The following DAB1 variants were observed in gnomAD, a reference collection of about 807,000 sequenced individuals.
The protein encoded by DAB1 is DAB adaptor protein 1.
In DAB1, 15 loss-of-function variants were observed where a neutral mutation model predicts 64.6. That is an observed-to-expected ratio of 0.23 (90% CI 0.16 to 0.36). The LOEUF (loss-of-function observed/expected upper bound fraction) is 0.36, where lower values mean the gene tolerates loss of function less well. DAB1 is among the 10% of genes least tolerant of loss of function. DAB1 has a pLI of 1.00. For missense variants in DAB1, 596 were observed against 706.7 expected, an observed-to-expected ratio of 0.84 and a Z score of 1.78; for synonymous variants, 235 against 251.9, an observed-to-expected ratio of 0.93 and a Z score of 0.64.
chr1:57,689,042 C>A (rs72679233), intron 6 of DAB1, among the ~76,000 whole-genome samples: 1,730 of 152,244 alleles, frequency 0.011, 18 homozygotes, highest in Non-Finnish European at 0.016. Context: ...CACACCTGCA[C>A]ATGTACCCAT....
At chr1:58,347,048 G>A (rs77867558) in intron 3 of DAB1, among the ~76,000 whole-genome samples, 2,330 of 152,086 alleles carry the variant, frequency 0.015, 50 homozygotes, top group African/African-American at 0.053. Flanking sequence ...TGATAGAAAA[G>A]GTACTTTATA....
chr1:58,068,528 G>C (rs932266231), intron 5 of DAB1, among the ~76,000 whole-genome samples: 46 of 152,118 alleles, frequency 3.0e-4, no homozygotes, highest in African/African-American at 1.1e-3. Context: ...CACTTTGGGG[G>C]GCAGAGGCGG....
At chr1:57,095,152 C>T (rs755299813) in intron 4 of DAB1, among the ~76,000 whole-genome samples, 9 of 152,106 alleles carry the variant, frequency 5.9e-5, no homozygotes, top group African/African-American at 9.7e-5. Context: ...TTGAGTTTAC[C>T]GTAGCACAGC....
chr1:57,967,269 A>G (rs1645690399), intron 5 of DAB1, among the ~76,000 whole-genome samples: 1 of 152,100 alleles, frequency 6.6e-6, no homozygotes, highest in Non-Finnish European at 1.5e-5. Flanking sequence ...GCCTTTCCTT[A>G]TGGGTAGTTA....
chr1:58,060,892 C>T (rs1024127238), intron 5 of DAB1, among the ~76,000 whole-genome samples: 10 of 152,218 alleles, frequency 6.6e-5, no homozygotes, highest in Admixed American at 2.0e-4. Flanking sequence ...CAGGGGAATG[C>T]CACATCTAAC....
intron 5 of DAB1, among the ~76,000 whole-genome samples, chr1:57,988,760 T>A (rs962645221): frequency 6.6e-6 from 1 of 152,204 alleles, no homozygotes; most frequent in Non-Finnish European, 1.5e-5. Context: ...CCAGTATTCC[T>A]TAGCCTTCCA....
At chr1:58,519,043 C>T (rs1646218697) in intron 2 of DAB1, among the ~76,000 whole-genome samples, 1 of 152,182 alleles carries the variant, frequency 6.6e-6, no homozygotes, top group Non-Finnish European at 1.5e-5. Context: ...ACACTTATTG[C>T]TCGCTTCTTT....
intron 5 of DAB1, among the ~76,000 whole-genome samples, chr1:58,035,996 T>C (rs984215835): frequency 6.6e-6 from 1 of 152,106 alleles, no homozygotes; most frequent in African/African-American, 2.4e-5. Context: ...AGGAGCTTGA[T>C]TTAATTGGTT....
At chr1:58,189,065 C>A (rs1037109048) in intron 4 of DAB1, among the ~76,000 whole-genome samples, 2 of 152,036 alleles carry the variant, frequency 1.3e-5, no homozygotes, top group African/African-American at 4.8e-5. Context: ...GCCTTTGCAC[C>A]CCCCACCCAG....
At chr1:58,012,560 T>C (rs1333310577) in intron 5 of DAB1, among the ~76,000 whole-genome samples, 1 of 152,066 alleles carries the variant, frequency 6.6e-6, no homozygotes, top group Admixed American at 6.6e-5. Context: ...CCAATGACAG[T>C]ATTAGGAAGT....
intron 1 of DAB1, among the ~76,000 whole-genome samples, chr1:57,327,753 T>C (rs1403283860): frequency 2.0e-5 from 3 of 152,148 alleles, no homozygotes; most frequent in Non-Finnish European, 4.4e-5. Context: ...ATGGGCTGGG[T>C]AGCTCAACGG....
intron 7 of DAB1, among the ~76,000 whole-genome samples, chr1:57,628,142 C>G (rs756658476): frequency 6.6e-6 from 1 of 152,172 alleles, no homozygotes; most frequent in African/African-American, 2.4e-5. Flanking sequence ...TGACCTTGAG[C>G]AAGTCACAGT....
chr1:58,144,690 T>C (rs1432326916), intron 5 of DAB1, among the ~76,000 whole-genome samples: 1 of 152,198 alleles, frequency 6.6e-6, no homozygotes, highest in South Asian at 2.1e-4. Flanking sequence ...AGAAGCATTT[T>C]ATAGGAAAGA....
chr1:57,107,610 G>A (rs1005916301), intron 4 of DAB1, among the ~76,000 whole-genome samples: 4 of 152,002 alleles, frequency 2.6e-5, no homozygotes, highest in African/African-American at 9.7e-5. Flanking sequence ...GTCCAGACCA[G>A]AACTGAGGAC....
chr1:57,855,344 G>C (rs964395653), intron 1 of DAB1, among the ~76,000 whole-genome samples: 1 of 152,126 alleles, frequency 6.6e-6, no homozygotes, highest in African/African-American at 2.4e-5. Context: ...TCCCCCTGAG[G>C]ACATAGAAGT....
intron 7 of DAB1, among the ~76,000 whole-genome samples, chr1:57,584,011 G>A (rs996256494): frequency 1.3e-5 from 2 of 152,136 alleles, no homozygotes; most frequent in Admixed American, 1.3e-4. Flanking sequence ...GAGTCCTTGT[G>A]GACGAACTGC....
At chr1:57,214,613 T>C (rs550819230) in intron 2 of DAB1, among the ~76,000 whole-genome samples, 4 of 152,058 alleles carry the variant, frequency 2.6e-5, no homozygotes, top group African/African-American at 9.6e-5. Context: ...CTGTTTCACC[T>C]TAGAAAAACA....
intron 4 of DAB1, among the ~76,000 whole-genome samples, chr1:58,223,528 C>A (rs540439487): frequency 6.6e-6 from 1 of 152,324 alleles, no homozygotes; most frequent in African/African-American, 2.4e-5. Context: ...TTGCACAAGG[C>A]TGATTTTCAA....
intron 5 of DAB1, among the ~76,000 whole-genome samples, chr1:57,998,464 A>G (rs1220550631): frequency 6.7e-6 from 1 of 148,410 alleles, no homozygotes; most frequent in African/African-American, 2.5e-5. Context: ...CCTGGGTTCA[A>G]GTGATTCTCC....
Sources: allele counts gnomAD v4.1 joint callset (sites outside exome capture counted in the v4.1 genomes callset), GRCh38; gene constraint gnomAD v4.1.1; transcripts MANE v1.5; gene names NCBI Gene and HGNC (gene_info 2026-07-23, HGNC 2026-07-21).